SGIP1: variants seen among roughly 807,000 people sequenced by gnomAD.
The protein encoded by SGIP1 is SH3-containing GRB2-like protein 3-interacting protein 1.
In SGIP1, 38 loss-of-function variants were observed where a neutral mutation model predicts 107.5. That is an observed-to-expected ratio of 0.35 (90% confidence interval 0.27 to 0.46). The LOEUF (loss-of-function observed/expected upper bound fraction) is 0.46, where lower values mean the gene tolerates loss of function less well. Ranked by LOEUF, SGIP1 falls within the 20% of genes least tolerant of loss-of-function variation. SGIP1 has a pLI of 1.00. For missense variants in SGIP1, 929 were observed against 1,019.5 expected (o/e 0.91, Z 1.21); for synonymous variants, 365 against 366.1 (o/e 1.00, Z 0.03).
intron 15 of SGIP1, among the ~76,000 whole-genome samples, chr1:66,686,227 A>G (rs1349822518): frequency 6.6e-6 from 1 of 152,156 alleles, no homozygotes; most frequent in Non-Finnish European, 1.5e-5. Flanking sequence ...AGCTGCTTCC[A>G]CTGCTCCAGC....
intron 8 of SGIP1, among the ~76,000 whole-genome samples, chr1:66,663,095 A>C (rs538282081): frequency 7.2e-5 from 11 of 152,098 alleles, no homozygotes; most frequent in Non-Finnish European, 4.4e-5. Context: ...GATGCTCATC[A>C]TCTCTCTGAA....
chr1:66,737,271 AC>A (rs2094297085), intron 21 of SGIP1, among the ~76,000 whole-genome samples: 1 of 152,136 alleles, frequency 6.6e-6, no homozygotes, highest in Non-Finnish European at 1.5e-5. Flanking sequence ...GTACATCTTC[AC>A]TTCAGATAAA....
chr1:66,720,342 T>C (rs1165598275), intron 19 of SGIP1, among the ~76,000 whole-genome samples: 1 of 152,178 alleles, frequency 6.6e-6, no homozygotes, highest in Non-Finnish European at 1.5e-5. Flanking sequence ...CTGAATTTGA[T>C]CAATAAAGGG....
chr1:66,554,492 G>A (rs2057896783), intron 1 of SGIP1, among the ~76,000 whole-genome samples: 1 of 152,018 alleles, frequency 6.6e-6, no homozygotes, highest in Non-Finnish European at 1.5e-5. Flanking sequence ...CTTAAAATGT[G>A]AAAATTTTTG....
chr1:66,609,419 T>G (rs1442932007), intron 1 of SGIP1, among the ~76,000 whole-genome samples: 1 of 152,106 alleles, frequency 6.6e-6, no homozygotes, highest in South Asian at 2.1e-4. Flanking sequence ...GAAGCAAATA[T>G]GTAGAGCACA....
intron 1 of SGIP1, among the ~76,000 whole-genome samples, chr1:66,578,821 G>A (rs929109059): frequency 2.0e-5 from 3 of 152,218 alleles, no homozygotes; most frequent in African/African-American, 4.8e-5. Context: ...ATAGGCATGC[G>A]CCAGCACACC....
intron 7 of SGIP1, among the ~76,000 whole-genome samples, chr1:66,656,383 TA>T (rs1316926124): frequency 4.6e-5 from 7 of 152,318 alleles, no homozygotes; most frequent in Admixed American, 3.9e-4. Context: ...ACTCAAAAAG[TA>T]ACAATAAATA....
At chr1:66,585,255 T>C (rs2062426510) in intron 1 of SGIP1, among the ~76,000 whole-genome samples, 1 of 152,180 alleles carries the variant, frequency 6.6e-6, no homozygotes, top group South Asian at 2.1e-4. Context: ...TGTTCTGTTT[T>C]ATTGTTTTTG....
chr1:66,541,195 C>T (rs2054846545), intron 1 of SGIP1, among the ~76,000 whole-genome samples: 1 of 152,234 alleles, frequency 6.6e-6, no homozygotes, highest in Admixed American at 6.5e-5. Flanking sequence ...ATTTATTCAT[C>T]AAATATTCTG....
intron 13 of SGIP1, among the ~76,000 whole-genome samples, chr1:66,677,963 C>G (rs1186884069): frequency 6.6e-6 from 1 of 152,066 alleles, no homozygotes; most frequent in Non-Finnish European, 1.5e-5. Flanking sequence ...GAATTAACCG[C>G]GGGGATTCAT....
At chr1:66,730,726 G>A (rs2093969247) in intron 20 of SGIP1, among the ~76,000 whole-genome samples, 1 of 152,096 alleles carries the variant, frequency 6.6e-6, no homozygotes, top group Non-Finnish European at 1.5e-5. Context: ...GTTTACCCTT[G>A]TCTGCCTCTC....
intron 1 of SGIP1, among the ~76,000 whole-genome samples, chr1:66,570,333 C>A (rs867299784): frequency 6.6e-6 from 1 of 151,856 alleles, no homozygotes; most frequent in East Asian, 1.9e-4. Flanking sequence ...AAAGTTGATT[C>A]CTCCATTGCT....
At position 66,745,382 on chromosome 1, in the gene SGIP1, G is replaced by A. The variant is rs370313373; in HGVS notation, c.*2287G>A. On this transcript the variant is annotated 3_prime_UTR_variant, in exon 25 of 25. Transcript: ENST00000371037. ...AGTAACCAGAACCTCAATAGAAAAT[G>A]TATCCCTTCACCTTTCAGAAAAGAG... 3.3e-5 allele frequency: 5 copies of A among 152,094 alleles called. No homozygotes were observed. The East Asian group carries it at 7.7e-4, about 23-fold the overall frequency. The allele number at this position is 152,094 out of a possible 1,614,324, so 9.4% of individuals were successfully genotyped here.
chr1:66,557,630 G>A (rs906001003), intron 1 of SGIP1, among the ~76,000 whole-genome samples: 2 of 152,120 alleles, frequency 1.3e-5, no homozygotes, highest in Non-Finnish European at 2.9e-5. Context: ...AATGTTTAGG[G>A]AGGAGTAGGT....
intron 1 of SGIP1, among the ~76,000 whole-genome samples, chr1:66,552,095 G>A (rs887155357): frequency 7.2e-5 from 11 of 152,022 alleles, no homozygotes; most frequent in African/African-American, 1.4e-4. Flanking sequence ...TGGGACCACC[G>A]GGTCCTAGCT....
At chr1:66,611,630 T>C (rs1159876710) in intron 1 of SGIP1, among the ~76,000 whole-genome samples, 2 of 152,220 alleles carry the variant, frequency 1.3e-5, no homozygotes, top group Non-Finnish European at 2.9e-5. Flanking sequence ...GTGGCAATCT[T>C]GGAGGCCATA....
chr1:66,686,169 G>T (rs1283535188), intron 15 of SGIP1, among the ~76,000 whole-genome samples: 3 of 152,204 alleles, frequency 2.0e-5, no homozygotes, highest in Non-Finnish European at 2.9e-5. Flanking sequence ...CCAGGTTATG[G>T]TCCCAGATCT....
intron 4 of SGIP1, among the ~76,000 whole-genome samples, chr1:66,638,480 AAG>A (rs1306545112): frequency 6.6e-6 from 1 of 152,198 alleles, no homozygotes; most frequent in East Asian, 1.9e-4. Context: ...AAGTGGGACA[AAG>A]AGGGAGATGG....
At chr1:66,570,691 AG>A (rs1203398376) in intron 1 of SGIP1, among the ~76,000 whole-genome samples, 2 of 152,058 alleles carry the variant, frequency 1.3e-5, no homozygotes, top group East Asian at 3.9e-4. Context: ...TTTAGTATTG[AG>A]CAAAACATAT....
Sources: gnomAD v4.1 joint callset for allele counts (sites outside exome capture counted in the v4.1 genomes callset) on GRCh38, gnomAD v4.1.1 for gene constraint, MANE v1.5 for transcripts, NCBI Gene and HGNC (gene_info 2026-07-23, HGNC 2026-07-21) for gene names.